UGT2A3: variants seen among roughly 807,000 people sequenced by gnomAD.
UGT2A3 encodes UDP glucuronosyltransferase family 2 member A3.
UGT2A3 carries 55 observed loss-of-function variants against 44.1 expected under a neutral mutation model. The ratio of observed to expected loss-of-function variants is 1.25; its 90% confidence interval spans 1.00 to 1.56. The LOEUF (loss-of-function observed/expected upper bound fraction) is 1.56. Ranked by LOEUF, UGT2A3 falls within the 40% of genes most tolerant of loss-of-function variation. The probability of loss-of-function intolerance (pLI) is 0.00; values close to 1 mark genes in which losing one functional copy is unlikely to be tolerated. For synonymous variants in UGT2A3, 243 were observed against 215.1 expected, an observed-to-expected ratio of 1.13 and a Z score of -1.13; for missense variants, 733 against 621.6, an observed-to-expected ratio of 1.18 and a Z score of -1.91.
chr4:68,937,575 A>C (rs1718000166), intron 2 of UGT2A3, among the ~76,000 whole-genome samples: 1 of 152,160 alleles, frequency 6.6e-6, no homozygotes, highest in Non-Finnish European at 1.5e-5. Flanking sequence ...TGTAAAGGGA[A>C]ATTTATATCA....
At chr4:68,940,830 T>C (rs997077768) in intron 2 of UGT2A3, among the ~76,000 whole-genome samples, 1 of 149,138 alleles carries the variant, frequency 6.7e-6, no homozygotes, top group African/African-American at 2.5e-5. Flanking sequence ...ACCAAAACAG[T>C]ATGGCAGTGG....
chr4:68,938,219 G>A (rs888519960), intron 2 of UGT2A3, among the ~76,000 whole-genome samples: 11 of 151,894 alleles, frequency 7.2e-5, no homozygotes, highest in Non-Finnish European at 1.3e-4. Flanking sequence ...GGCCAGCATC[G>A]TCCTGATACC....
Position 68,931,512 on chromosome 4 carries a change from TA to T in UGT2A3, c.997-271del, listed in dbSNP as rs537927954. 3.2e-3 allele frequency among the ~76,000 whole-genome samples: 493 copies of T among 152,086 alleles called. 3 individuals are homozygous for T. Among genetic ancestry groups the T allele is most frequent in the African/African-American group, 0.011 (475 of 41,544 alleles). On this transcript the variant is annotated intron_variant, in intron 3 of 5. Transcript: ENST00000251566. ...GAGAATGAGAATACCAGTGAATATT[TA>T]AAAAAATAATTCAGCAGTGGCTAAT...
At chr4:68,933,141 T>G (rs1717802431) in intron 2 of UGT2A3, among the ~76,000 whole-genome samples, 1 of 151,992 alleles carries the variant, frequency 6.6e-6, no homozygotes, top group South Asian at 2.1e-4. Context: ...ACCTCCAGCA[T>G]CAATCGCTTT....
intron 2 of UGT2A3, among the ~76,000 whole-genome samples, chr4:68,933,379 C>A (rs1439372477): frequency 6.6e-6 from 1 of 152,058 alleles, no homozygotes. Context: ...ATAGTTGCAA[C>A]TGGACATTCA....
rs1717942825 is a variant in UGT2A3, at chr4:68,936,124, G to C, written c.865-3365C>G. Among the ~76,000 whole-genome samples the C allele has an allele frequency of 2.0e-5, 3 of 152,100 alleles. 1 individual carries two copies. The highest frequency in any genetic ancestry group is 2.0e-4 in the Admixed American group (3 of 15,270). Reference sequence around the variant, plus strand: ...AATGTGATGGAGAGAATGGAACCAAGTTAGAAAACACTCTTCAGTATATTA... The same window carrying C: ...AATGTGATGGAGAGAATGGAACCAACTTAGAAAACACTCTTCAGTATATTA... On this transcript the variant is annotated intron_variant, in intron 2 of 5. Transcript: ENST00000251566.
At chr4:68,945,179 A>G (rs938965864) in intron 2 of UGT2A3, 127 bp downstream of exon 2, 1 of 1,098,362 alleles carries the variant, frequency 9.1e-7, no homozygotes, top group Admixed American at 2.2e-5. Flanking sequence ...TGTGGCATGG[A>G]AAATAAATAT....
rs548657372 is a variant in UGT2A3, at chr4:68,939,219, A to G, written c.864+6087T>C. Among the ~76,000 whole-genome samples, 194 of 152,322 alleles carry G rather than the reference A, an allele frequency of 1.3e-3. 2 individuals are homozygous for G. The highest frequency in any genetic ancestry group is 1.7e-3 in the Non-Finnish European group (119 of 68,028). On this transcript the variant is annotated intron_variant, in intron 2 of 5. Coordinates refer to ENST00000251566, the MANE Select transcript of UGT2A3 (RefSeq NM_024743.4). ...ACTACTTTAAAGTTCACATAGAAGCAAAAATGAGCCTGCATTGCCAAGACA... is the reference window on the plus strand; with the variant it reads ...ACTACTTTAAAGTTCACATAGAAGCGAAAATGAGCCTGCATTGCCAAGACA...
At chr4:68,949,767 G>C (rs1031537700) in intron 1 of UGT2A3, among the ~76,000 whole-genome samples, 4 of 151,762 alleles carry the variant, frequency 2.6e-5, no homozygotes, top group Non-Finnish European at 5.9e-5. Context: ...TCCTATAGTT[G>C]TTTGAATATA....
chr4:68,951,728 C>A lies in UGT2A3; in HGVS notation c.33G>T (p.Leu11=), dbSNP rs774089092. The A allele has an allele frequency of 9.1e-5, 146 of 1,602,420 alleles. No homozygotes were observed. The highest frequency in any genetic ancestry group is 5.0e-4 in the Middle Eastern group (3 of 5,992). Residue 11 remains leucine (L), a synonymous_variant, in exon 1 of 6, where the codon CTG becomes CTT. Transcript: ENST00000251566. Reference sequence around the variant, plus strand: ...AGCCAACACAGAAGAGCTGCAGGAGCAGAAATACCAAAGCTGACTTGTCAG... The same window carrying A: ...AGCCAACACAGAAGAGCTGCAGGAGAAGAAATACCAAAGCTGACTTGTCAG... MRSDKSALVF[L]LLQLFCVGCG...
intron 2 of UGT2A3, among the ~76,000 whole-genome samples, chr4:68,933,722 G>C (rs1211797125): frequency 2.0e-5 from 3 of 152,052 alleles, no homozygotes; most frequent in Admixed American, 6.6e-5. Flanking sequence ...TAGTAACTAA[G>C]TTCCAGTTAT....
chr4:68,945,255 A>C (rs772307777), intron 2 of UGT2A3, 51 bp downstream of exon 2: 1 of 1,598,770 alleles, frequency 6.3e-7, no homozygotes, highest in Non-Finnish European at 8.5e-7. Context: ...TTTCAAGGGA[A>C]AACAAGTCAT....
At position 68,931,197 on chromosome 4, in the gene UGT2A3, T is replaced by C; in HGVS notation, c.1042A>G (p.Asn348Asp). 6.2e-7 allele frequency: 1 copy of C among 1,613,138 alleles called. No homozygotes were observed. The highest frequency in any genetic ancestry group is 8.5e-7 in the Non-Finnish European group (1 of 1,179,420). ...GGTATCCAATCATACAGCCGAGTATTGGCTCCTAATGTGGATGGTTTTTTT... is the reference window on the plus strand; with the variant it reads ...GGTATCCAATCATACAGCCGAGTATCGGCTCCTAATGTGGATGGTTTTTTT... ...KGKKPSTLGA[N>D]TRLYDWIPQN... Residue 348 changes from asparagine to aspartate, a missense_variant, in exon 4 of 6, where the codon AAT becomes GAT. Asn to Asp is a conservative substitution (Grantham distance 23, BLOSUM62 1). Transcript: ENST00000251566.
At chr4:68,947,162 A>T (rs979209898) in intron 1 of UGT2A3, among the ~76,000 whole-genome samples, 2 of 151,646 alleles carry the variant, frequency 1.3e-5, no homozygotes, top group Non-Finnish European at 3.0e-5. Flanking sequence ...CCCATAGTAG[A>T]ATTTCTTTCA....
chr4:68,930,145 A>G, intron 5 of UGT2A3, 53 bp from the exon 6 acceptor site: 5 of 1,536,652 alleles, frequency 3.3e-6, no homozygotes, highest in Non-Finnish European at 3.5e-6. Flanking sequence ...TTGTTTTCAT[A>G]AAAGACAGGT....
intron 1 of UGT2A3, among the ~76,000 whole-genome samples, 164 bp downstream of exon 1, chr4:68,950,882 G>T (rs1718557254): frequency 1.3e-5 from 2 of 151,742 alleles, no homozygotes; most frequent in South Asian, 4.2e-4. Flanking sequence ...AAGAAAGTAG[G>T]TTATCTTACG....
chr4:68,940,413 C>T (rs547784988), intron 2 of UGT2A3, among the ~76,000 whole-genome samples: 2 of 151,966 alleles, frequency 1.3e-5, no homozygotes, highest in African/African-American at 4.8e-5. Context: ...ATGGATGAAG[C>T]TGAAAACAGT....
Position 68,929,408 on chromosome 4 carries a change from C to G in UGT2A3, c.*405G>C, listed in dbSNP as rs1198936959. 1.3e-5 allele frequency: 2 copies of G among 155,914 alleles called. No individual in the cohort carries two copies. The highest frequency in any genetic ancestry group is 4.8e-5 in the African/African-American group (2 of 41,552). 9.7% of individuals were successfully genotyped at this position (155,914 alleles called of 1,614,324 possible). A position where few individuals can be genotyped will look rare whatever the true frequency, so the allele number is the denominator to read the frequency against. ...CATAGCCAGCTAATCTCATAGAACACTTACCTGATTTGTGTGGTTTACTGA... is the reference window on the plus strand; with the variant it reads ...CATAGCCAGCTAATCTCATAGAACAGTTACCTGATTTGTGTGGTTTACTGA... On this transcript the variant is annotated 3_prime_UTR_variant, in exon 6 of 6. Coordinates refer to ENST00000251566, the MANE Select transcript of UGT2A3 (RefSeq NM_024743.4).
At position 68,948,439 on chromosome 4, in the gene UGT2A3, C is replaced by T. The variant is rs201572690; in HGVS notation, c.715+2607G>A. Among the ~76,000 whole-genome samples the T allele has an allele frequency of 9.0e-3, 983 of 109,530 alleles. 17 individuals carry two copies. Among genetic ancestry groups the T allele is most frequent in the Middle Eastern group, 0.015 (3 of 194 alleles). The allele number at this position is 109,530 out of a possible 152,430, so 71.9% of individuals were successfully genotyped here. A position where few individuals can be genotyped will look rare whatever the true frequency, so the allele number is the denominator to read the frequency against. ...TAATTTTTTTTCTTTTCTTTTTTTT[C>T]TTTTTTTTTTTTTTTTTTTTGGTAG... is the stretch of plus-strand genomic sequence containing the variant. On this transcript the variant is annotated intron_variant, in intron 1 of 5. Coordinates refer to ENST00000251566, the MANE Select transcript of UGT2A3 (RefSeq NM_024743.4).
Sources: allele counts gnomAD v4.1 joint callset (sites outside exome capture counted in the v4.1 genomes callset), GRCh38; gene constraint gnomAD v4.1.1; transcripts MANE v1.5; gene names NCBI Gene and HGNC (gene_info 2026-07-23, HGNC 2026-07-21).